Variants in THADA observed in about 807,000 individuals in gnomAD.
The protein encoded by THADA is tRNA (32-2'-O)-methyltransferase regulator THADA.
THADA carries 213 observed loss-of-function variants against 219.8 expected under a neutral mutation model. The ratio of observed to expected loss-of-function variants is 0.97; its 90% CI spans 0.87 to 1.09. THADA has a LOEUF of 1.09. Ranked by LOEUF, THADA falls within the 50% of genes least tolerant of loss-of-function variation. The pLI is 0.00. For synonymous variants in THADA, 1,018 were observed against 828.9 expected (o/e 1.23, Z -3.92); for missense variants, 2,956 against 2,311.3 (o/e 1.28, Z -5.72).
intron 26 of THADA, among the ~76,000 whole-genome samples, chr2:43,472,986 G>C (rs1685091362): frequency 6.6e-6 from 1 of 152,164 alleles, no homozygotes; most frequent in South Asian, 2.1e-4. Context: ...AGTTGTTCTG[G>C]GGTGAGTCAG....
intron 10 of THADA, among the ~76,000 whole-genome samples, chr2:43,576,782 G>A (rs1488046635): frequency 2.0e-5 from 3 of 152,128 alleles, no homozygotes; most frequent in South Asian, 2.1e-4. Context: ...AGCCTCCCAC[G>A]TAGCTGAGAC....
At chr2:43,551,994 A>G in intron 18 of THADA, 69 bp from the exon 19 acceptor site, 3 of 1,578,142 alleles carry the variant, frequency 1.9e-6, no homozygotes, top group Non-Finnish European at 2.6e-6. Flanking sequence ...AAAATTAGAT[A>G]AAAGGATTGA....
At chr2:43,321,837 T>G (rs1206530590) in intron 30 of THADA, among the ~76,000 whole-genome samples, 1 of 152,196 alleles carries the variant, frequency 6.6e-6, no homozygotes, top group Admixed American at 6.5e-5. Context: ...CCTTCTCTAC[T>G]TCCAACATGG....
At chr2:43,337,392 G>C (rs1363806504) in intron 30 of THADA, among the ~76,000 whole-genome samples, 1 of 152,162 alleles carries the variant, frequency 6.6e-6, no homozygotes, top group Non-Finnish European at 1.5e-5. Flanking sequence ...TTTCACTGTA[G>C]AAAAGATTTT....
At chr2:43,484,682 T>C (rs57175489) in intron 26 of THADA, among the ~76,000 whole-genome samples, 165 of 152,208 alleles carry the variant, frequency 1.1e-3, no homozygotes, top group African/African-American at 3.8e-3. Flanking sequence ...AGCTGTTTTT[T>C]AAAGACAAAA....
At chr2:43,438,311 A>AAC (rs1337234404) in intron 26 of THADA, among the ~76,000 whole-genome samples, 2 of 151,924 alleles carry the variant, frequency 1.3e-5, no homozygotes, top group East Asian at 1.9e-4. Flanking sequence ...AAAAAAAAAA[A>AAC]AAAAAAACCC....
intron 29 of THADA, among the ~76,000 whole-genome samples, chr2:43,395,547 C>A (rs889266727): frequency 1.3e-5 from 2 of 151,080 alleles, no homozygotes; most frequent in Admixed American, 1.3e-4. Context: ...AAACTGCAGT[C>A]TGGGGCTGTG....
rs58306123 is a variant in THADA at position 43,387,584 on chromosome 2, C to T, written c.4227+10387G>A. ...TTTAAGAGCTGTATCACACCTTGTC[C>T]CACAGGATGATGGGGAAAATCCATA... On this transcript the variant is annotated intron_variant, in intron 29 of 37. Coordinates refer to ENST00000405975, the MANE Select transcript of THADA (RefSeq NM_022065.5). 5.7e-3 allele frequency among the ~76,000 whole-genome samples: 866 copies of T among 151,352 alleles called. 14 individuals carry two copies. Among genetic ancestry groups the T allele is most frequent in the African/African-American group, 0.021 (841 of 40,666 alleles).
rs1443447964 is a variant in THADA, at chr2:43,572,946, C to T, written c.1776G>A (p.Gly592=). 3.1e-6 allele frequency: 5 copies of T among 1,613,784 alleles called. No individual in the cohort carries two copies. The highest frequency in any genetic ancestry group is 3.4e-6 in the Non-Finnish European group (4 of 1,179,860). The change falls in exon 12 of 38, where the codon GGG becomes GGA. Residue 592 remains glycine (G), a synonymous_variant. Transcript: ENST00000405975. ...FPSLGSCNSR[G]ALGALMACLR... is the part of the protein sequence containing the mutation. ...GACATGCCATCAAAGCTCCCAGAGC[C>T]CCCCTGCTATTACAAGACCCTAAGG...
chr2:43,528,977 T>C (rs530259813), intron 21 of THADA, among the ~76,000 whole-genome samples: 1 of 152,204 alleles, frequency 6.6e-6, no homozygotes, highest in South Asian at 2.1e-4. Context: ...CCGTATTACC[T>C]TTTAGAGACA....
chr2:43,578,633 T>C (rs1417083791), intron 8 of THADA, 26 bp from the exon 9 acceptor site: 3 of 1,506,238 alleles, frequency 2.0e-6, no homozygotes, highest in African/African-American at 1.4e-5. Flanking sequence ...GGAGAGAAGC[T>C]TGTGTTAAAT....
chr2:43,340,939 G>C (rs1666997575), intron 30 of THADA, among the ~76,000 whole-genome samples: 1 of 152,192 alleles, frequency 6.6e-6, no homozygotes, highest in Non-Finnish European at 1.5e-5. Flanking sequence ...GCAGGCATGT[G>C]ACACCGAGGC....
At chr2:43,497,692 C>A (rs1022551920) in intron 25 of THADA, among the ~76,000 whole-genome samples, 6 of 152,178 alleles carry the variant, frequency 3.9e-5, no homozygotes, top group Non-Finnish European at 8.8e-5. Context: ...CGAGACCAGC[C>A]TGGCTAACAT....
chr2:43,568,445 T>C (rs1014879406), intron 14 of THADA, among the ~76,000 whole-genome samples: 8 of 152,122 alleles, frequency 5.3e-5, no homozygotes, highest in African/African-American at 1.9e-4. Context: ...TCACAACCTC[T>C]AAAAGCCACA....
intron 28 of THADA, among the ~76,000 whole-genome samples, chr2:43,425,580 G>T (rs879406856): frequency 2.6e-5 from 4 of 151,888 alleles, no homozygotes; most frequent in African/African-American, 9.7e-5. Context: ...AAGACCATTT[G>T]GAAGTCGGAC....
At chr2:43,432,139 A>C (rs1171768055) in intron 26 of THADA, among the ~76,000 whole-genome samples, 1 of 110,924 alleles carries the variant, frequency 9.0e-6, no homozygotes, top group African/African-American at 4.9e-5. Context: ...TACAGGCGTG[A>C]GCCACCGCGC....
intron 37 of THADA, 122 bp downstream of exon 37, chr2:43,232,591 T>G: frequency 9.0e-7 from 1 of 1,105,598 alleles, no homozygotes; most frequent in Non-Finnish European, 1.3e-6. Flanking sequence ...TGGGTGACTT[T>G]CCTAGTGGTT....
chr2:43,475,002 A>G (rs764528708), intron 26 of THADA, among the ~76,000 whole-genome samples: 1 of 152,216 alleles, frequency 6.6e-6, no homozygotes, highest in Non-Finnish European at 1.5e-5. Flanking sequence ...GAAAAGAAAG[A>G]AACGTAGCAA....
At chr2:43,338,659 G>T (rs1273909927) in intron 30 of THADA, among the ~76,000 whole-genome samples, 1 of 152,100 alleles carries the variant, frequency 6.6e-6, no homozygotes, top group Non-Finnish European at 1.5e-5. Context: ...ATTTCTCCAA[G>T]ATTCATCCAT....
Sources: allele counts gnomAD v4.1 joint callset (sites outside exome capture counted in the v4.1 genomes callset), GRCh38; gene constraint gnomAD v4.1.1; transcripts MANE v1.5; gene names NCBI Gene and HGNC (gene_info 2026-07-23, HGNC 2026-07-21).